Variants in ADAMTSL1 observed in about 807,000 individuals in gnomAD.
ADAMTSL1 encodes ADAMTS-like protein 1.
In ADAMTSL1, 126 loss-of-function variants were observed where a neutral mutation model predicts 201.8. The ratio of observed to expected loss-of-function variants is 0.62; its 90% CI spans 0.54 to 0.72. The LOEUF is 0.72. ADAMTSL1 is among the 30% of genes least tolerant of loss of function. The pLI, the probability that ADAMTSL1 is intolerant of heterozygous loss-of-function variation, is 0.00. For synonymous variants in ADAMTSL1, 1,121 were observed against 903.4 expected, an observed-to-expected ratio of 1.24 and a Z score of -4.32; for missense variants, 2,679 against 2,277.8, an observed-to-expected ratio of 1.18 and a Z score of -3.59.
intron 1 of ADAMTSL1, among the ~76,000 whole-genome samples, chr9:18,064,902 C>G (rs1012432670): frequency 2.2e-5 from 3 of 138,876 alleles, no homozygotes; most frequent in Middle Eastern, 4.5e-3. Flanking sequence ...TCTATTATAA[C>G]TATATCACAC....
At chr9:18,757,488 T>C (rs959113072) in intron 16 of ADAMTSL1, among the ~76,000 whole-genome samples, 1 of 152,140 alleles carries the variant, frequency 6.6e-6, no homozygotes, top group Non-Finnish European at 1.5e-5. Flanking sequence ...TCAGTGACTC[T>C]AAAGCCAGTA....
rs1328574132 is a variant in ADAMTSL1, at chr9:18,178,444, T to G, written c.207+14463T>G. 3.9e-5 allele frequency among the ~76,000 whole-genome samples: 6 copies of G among 152,016 alleles called. No homozygotes were observed. In the East Asian group the frequency reaches 9.7e-4, roughly 25 times the overall value. On this transcript the variant is annotated intron_variant, in intron 2 of 29. Coordinates refer to the ADAMTSL1 transcript ENST00000680146. The stretch of plus-strand genomic sequence containing the variant: ...TCAAACTGCAAGGCAGCAGCGAGGC[T>G]GGGGGAGGGGCGCCCGCCATTGCCC...
intron 2 of ADAMTSL1, among the ~76,000 whole-genome samples, chr9:18,382,688 C>A (rs1837607425): frequency 6.6e-6 from 1 of 151,930 alleles, no homozygotes; most frequent in South Asian, 2.1e-4. Context: ...TCAGGATGTA[C>A]CCTGAATATG....
intron 4 of ADAMTSL1, among the ~76,000 whole-genome samples, chr9:18,598,173 G>A (rs1042281658): frequency 1.3e-5 from 2 of 152,110 alleles, no homozygotes; most frequent in Non-Finnish European, 2.9e-5. Context: ...AAAGCTAATC[G>A]CAAATCAGTA....
chr9:18,339,047 A>G (rs1435075329), intron 2 of ADAMTSL1, among the ~76,000 whole-genome samples: 2 of 152,182 alleles, frequency 1.3e-5, no homozygotes, highest in Non-Finnish European at 2.9e-5. Context: ...GGTTAATTCC[A>G]TGTCTTTGCT....
intron 4 of ADAMTSL1, among the ~76,000 whole-genome samples, chr9:18,594,762 G>A (rs113452288): frequency 2.6e-4 from 39 of 152,192 alleles, no homozygotes; most frequent in African/African-American, 8.9e-4. Flanking sequence ...GCTATTTTGA[G>A]TTATTTGTCT....
At chr9:18,591,261 T>C (rs1823896597) in intron 4 of ADAMTSL1, among the ~76,000 whole-genome samples, 1 of 152,208 alleles carries the variant, frequency 6.6e-6, no homozygotes, top group South Asian at 2.1e-4. Context: ...AACTCTTTTA[T>C]CATTATATAA....
chr9:18,201,553 C>A (rs7858076), intron 2 of ADAMTSL1, among the ~76,000 whole-genome samples: 3 of 151,910 alleles, frequency 2.0e-5, no homozygotes, highest in African/African-American at 7.3e-5. Flanking sequence ...TACAATATTA[C>A]GGCCTTAGAA....
At chr9:18,327,359 C>T (rs942931505) in intron 2 of ADAMTSL1, among the ~76,000 whole-genome samples, 1 of 152,202 alleles carries the variant, frequency 6.6e-6, no homozygotes, top group Non-Finnish European at 1.5e-5. Context: ...GTTAATGATC[C>T]CAGAGTAGAG....
intron 1 of ADAMTSL1, among the ~76,000 whole-genome samples, chr9:17,950,319 C>T (rs1827683329): frequency 6.6e-6 from 1 of 151,832 alleles, no homozygotes. Flanking sequence ...ATATACCTAC[C>T]ACCTAGAATT....
intron 1 of ADAMTSL1, among the ~76,000 whole-genome samples, chr9:17,978,864 G>A (rs1211826528): frequency 1.3e-5 from 2 of 151,952 alleles, no homozygotes; most frequent in Non-Finnish European, 2.9e-5. Flanking sequence ...CAGGGCTAGT[G>A]ACAATAAACT....
intron 2 of ADAMTSL1, among the ~76,000 whole-genome samples, chr9:18,434,947 G>A (rs527371645): frequency 6.6e-6 from 1 of 152,308 alleles, no homozygotes; most frequent in African/African-American, 2.4e-5. Flanking sequence ...CATGAAGACA[G>A]GGACCACATC....
At chr9:18,449,090 C>T (rs367995445) in intron 2 of ADAMTSL1, among the ~76,000 whole-genome samples, 11,958 of 130,644 alleles carry the variant, frequency 0.092, 642 homozygotes, top group Non-Finnish European at 0.14. Context: ...TTTTAACTTC[C>T]GCATTTATTC....
chr9:18,743,473 A>G (rs1818960764), intron 15 of ADAMTSL1, among the ~76,000 whole-genome samples: 1 of 152,138 alleles, frequency 6.6e-6, no homozygotes, highest in South Asian at 2.1e-4. Context: ...GGTAACATTG[A>G]TTTTATTTTT....
In ADAMTSL1 at chr9:18,223,144, A is replaced by G. The variant is rs73645739; in HGVS notation, c.207+59163A>G. On this transcript the variant is annotated intron_variant, in intron 2 of 29. Coordinates refer to the ADAMTSL1 transcript ENST00000680146. ...TCTCAAAATCTGCTTCTTCTTCATT[A>G]TCAGTATTACATGTTGAGCATCCGA... Among the ~76,000 whole-genome samples, 1,465 of 152,172 alleles carry G rather than the reference A, an allele frequency of 9.6e-3. 21 individuals are homozygous for G. Among genetic ancestry groups the G allele is most frequent in the African/African-American group, 0.033 (1,378 of 41,546 alleles).
intron 2 of ADAMTSL1, among the ~76,000 whole-genome samples, chr9:18,240,326 T>A (rs904883604): frequency 7.0e-6 from 1 of 141,858 alleles, no homozygotes; most frequent in African/African-American, 2.7e-5. Flanking sequence ...TGAACAGTAA[T>A]GTTTTAAAAT....
intron 14 of ADAMTSL1, among the ~76,000 whole-genome samples, chr9:18,710,424 C>A (rs1030819405): frequency 1.3e-5 from 2 of 152,198 alleles, no homozygotes; most frequent in Non-Finnish European, 2.9e-5. Context: ...ACACACAGCA[C>A]TGGGGAGGCC....
At chr9:18,259,207 C>T (rs1831817013) in intron 2 of ADAMTSL1, among the ~76,000 whole-genome samples, 1 of 152,104 alleles carries the variant, frequency 6.6e-6, no homozygotes, top group Admixed American at 6.5e-5. Flanking sequence ...AGCTTCCAGC[C>T]CAAACTTTAG....
intron 2 of ADAMTSL1, among the ~76,000 whole-genome samples, chr9:18,185,074 C>A (rs746163205): frequency 6.6e-6 from 1 of 152,118 alleles, no homozygotes; most frequent in African/African-American, 2.4e-5. Flanking sequence ...TATTTAATCT[C>A]TATGGCTCAA....
Sources: gnomAD v4.1 joint callset for allele counts (sites outside exome capture counted in the v4.1 genomes callset) on GRCh38, gnomAD v4.1.1 for gene constraint, MANE v1.5 for transcripts, NCBI Gene and HGNC (gene_info 2026-07-23, HGNC 2026-07-21) for gene names.